Variants in ITGA8 observed in about 807,000 individuals in gnomAD.
ITGA8 encodes the protein integrin alpha-8.
ITGA8 carries 91 observed loss-of-function variants against 142.3 expected under a neutral mutation model. The ratio of observed to expected loss-of-function variants is 0.64; its 90% CI spans 0.54 to 0.76. The LOEUF (loss-of-function observed/expected upper bound fraction) is 0.76, where lower values mean the gene tolerates loss of function less well. Ranked by LOEUF, ITGA8 falls within the 30% of genes least tolerant of loss-of-function variation. ITGA8 has a pLI of 0.00. For synonymous variants in ITGA8, 505 were observed against 485.2 expected (o/e 1.04, Z -0.54); for missense variants, 1,406 against 1,327.7 (o/e 1.06, Z -0.92).
chr10:15,694,456 TATA>T (rs1226632786), intron 2 of ITGA8, among the ~76,000 whole-genome samples: 1 of 136,070 alleles, frequency 7.3e-6, no homozygotes, highest in Non-Finnish European at 1.5e-5. Flanking sequence ...CATTTATATT[TATA>T]ATACATCTAT....
At chr10:15,640,644 CAG>C (rs1282126363) in intron 13 of ITGA8, among the ~76,000 whole-genome samples, 2 of 152,168 alleles carry the variant, frequency 1.3e-5, no homozygotes, top group Non-Finnish European at 2.9e-5. Flanking sequence ...GCAGCTCAAT[CAG>C]GGGCTGGAGC....
At chr10:15,622,602 CAAAAAA>C (rs11341075) in intron 13 of ITGA8, among the ~76,000 whole-genome samples, 56 of 106,874 alleles carry the variant, frequency 5.2e-4, no homozygotes, top group East Asian at 2.0e-3. Flanking sequence ...CAAAACAAAA[CAAAAAA>C]AAAACCACAT....
intron 8 of ITGA8, among the ~76,000 whole-genome samples, chr10:15,665,698 G>A (rs1035968170): frequency 6.6e-6 from 1 of 152,182 alleles, no homozygotes; most frequent in African/African-American, 2.4e-5. Flanking sequence ...TTTGTATAAG[G>A]TATAAGGAAG....
chr10:15,597,154 C>T (rs1181161484), intron 21 of ITGA8, 53 bp downstream of exon 21: 3 of 1,392,102 alleles, frequency 2.2e-6, no homozygotes, highest in Admixed American at 3.4e-5. Flanking sequence ...CCATTTGTTC[C>T]CTGTGAAGTC....
intron 5 of ITGA8, among the ~76,000 whole-genome samples, chr10:15,678,231 G>A (rs370330611): frequency 3.3e-5 from 5 of 152,110 alleles, no homozygotes; most frequent in African/African-American, 1.2e-4. Context: ...CAGTTTATAC[G>A]TTGATGAAAT....
intron 20 of ITGA8, among the ~76,000 whole-genome samples, chr10:15,601,109 G>T (rs1833097027): frequency 6.6e-6 from 1 of 151,944 alleles, no homozygotes; most frequent in African/African-American, 2.4e-5. Context: ...CGTGGTGGTG[G>T]GCGCCTGTAA....
intron 27 of ITGA8, among the ~76,000 whole-genome samples, chr10:15,536,160 T>G (rs1343389206): frequency 6.6e-6 from 1 of 152,118 alleles, no homozygotes; most frequent in Non-Finnish European, 1.5e-5. Flanking sequence ...TTGAAGTCGG[T>G]GAGACCAAGA....
intron 27 of ITGA8, among the ~76,000 whole-genome samples, chr10:15,536,878 G>A (rs1467437457): frequency 3.3e-5 from 5 of 152,172 alleles, no homozygotes; most frequent in African/African-American, 1.2e-4. Flanking sequence ...AATGACACAA[G>A]CTCTCCCACT....
intron 28 of ITGA8, among the ~76,000 whole-genome samples, chr10:15,527,047 T>C (rs1833188209): frequency 6.6e-6 from 1 of 152,190 alleles, no homozygotes; most frequent in Non-Finnish European, 1.5e-5. Context: ...TATCACAAAA[T>C]CTTGTGTAAA....
At chr10:15,633,025 T>C (rs1833711304) in intron 13 of ITGA8, among the ~76,000 whole-genome samples, 1 of 152,224 alleles carries the variant, frequency 6.6e-6, no homozygotes, top group Non-Finnish European at 1.5e-5. Context: ...CATGTTTCTT[T>C]TTCATTATTA....
intron 22 of ITGA8, among the ~76,000 whole-genome samples, chr10:15,591,029 A>T (rs894405228): frequency 8.5e-5 from 13 of 152,210 alleles, no homozygotes; most frequent in South Asian, 2.1e-4. Flanking sequence ...ATATATTTTT[A>T]AAAAATCCTA....
intron 26 of ITGA8, 105 bp downstream of exon 26, chr10:15,557,969 C>G (rs1315522976): frequency 7.1e-6 from 10 of 1,399,096 alleles, no homozygotes; most frequent in Non-Finnish European, 9.9e-6. Context: ...TATCTGAGCA[C>G]TGAAGGAGAC....
chr10:15,549,369 C>T (rs753830118), intron 26 of ITGA8, among the ~76,000 whole-genome samples: 1 of 151,864 alleles, frequency 6.6e-6, no homozygotes, highest in Non-Finnish European at 1.5e-5. Context: ...CGCCATCATG[C>T]CTGGCTAATT....
chr10:15,704,614 A>C (rs1272901632), intron 2 of ITGA8, among the ~76,000 whole-genome samples: 1 of 152,190 alleles, frequency 6.6e-6, no homozygotes, highest in African/African-American at 2.4e-5. Context: ...TCATAGGTAC[A>C]GCTGGGGAAA....
chr10:15,520,557 C>T (rs1833043670), intron 28 of ITGA8, among the ~76,000 whole-genome samples: 1 of 152,222 alleles, frequency 6.6e-6, no homozygotes. Flanking sequence ...TGAACCACTC[C>T]CTATGTGGGC....
chr10:15,676,478 A>T (rs1834632517), intron 6 of ITGA8, among the ~76,000 whole-genome samples: 1 of 151,836 alleles, frequency 6.6e-6, no homozygotes, highest in African/African-American at 2.4e-5. Context: ...CCCCATCACC[A>T]CATGCCTTTG....
chr10:15,671,680 A>C, intron 7 of ITGA8, 33 bp from the exon 8 acceptor site: 2 of 1,536,712 alleles, frequency 1.3e-6, no homozygotes, highest in Non-Finnish European at 1.8e-6. Context: ...AACTAATCAC[A>C]CTTAATGACT....
chr10:15,639,786 T>A (rs761039994), intron 13 of ITGA8, among the ~76,000 whole-genome samples: 1 of 152,224 alleles, frequency 6.6e-6, no homozygotes, highest in Non-Finnish European at 1.5e-5. Context: ...CTAATTTAAT[T>A]GGTTTGGAGG....
intron 8 of ITGA8, among the ~76,000 whole-genome samples, chr10:15,669,096 T>C (rs971055158): frequency 2.0e-5 from 3 of 152,214 alleles, no homozygotes; most frequent in Non-Finnish European, 4.4e-5. Flanking sequence ...TTCTCCTGGG[T>C]AATATCCTGC....
Sources: allele counts gnomAD v4.1 joint callset (sites outside exome capture counted in the v4.1 genomes callset), GRCh38; gene constraint gnomAD v4.1.1; transcripts MANE v1.5; gene names NCBI Gene and HGNC (gene_info 2026-07-23, HGNC 2026-07-21).